The following SPRY3 variants were observed in gnomAD, a reference collection of about 807,000 sequenced individuals.
SPRY3 encodes the protein sprouty RTK signaling antagonist 3.
SPRY3 carries 15 observed loss-of-function variants against 20.2 expected under a neutral mutation model. The ratio of observed to expected loss-of-function variants is 0.74; its 90% CI spans 0.50 to 1.14. The LOEUF is 1.14. Among genes scored for constraint, SPRY3 ranks in the 50% most tolerant of loss-of-function variants. The probability of loss-of-function intolerance (pLI) is 0.00; values close to 1 mark genes in which losing one functional copy is unlikely to be tolerated. For missense variants in SPRY3, 364 were observed against 363.9 expected (o/e 1.00, Z 0.00); for synonymous variants, 143 against 136.5 (o/e 1.05, Z -0.33).
intron 1 of SPRY3, among the ~76,000 whole-genome samples, chrX:155,644,758 G>A (rs2067952344): frequency 9.1e-6 from 1 of 109,891 alleles, no homozygotes; most frequent in Non-Finnish European, 1.9e-5. Flanking sequence ...TCTGGCCCAG[G>A]GCAGGTCCAG....
intron 1 of SPRY3, among the ~76,000 whole-genome samples, chrX:155,619,663 C>A (rs1300720294): frequency 9.0e-6 from 1 of 111,119 alleles, no homozygotes; most frequent in African/African-American, 3.3e-5. Flanking sequence ...GAAAAAAAAT[C>A]ATTAACCATA....
At chrX:155,717,803 C>G (rs1264858575) in intron 2 of SPRY3, among the ~76,000 whole-genome samples, 1 of 152,050 alleles carries the variant, frequency 6.6e-6, no homozygotes, top group Non-Finnish European at 1.5e-5. Flanking sequence ...TCCAGTCTAT[C>G]ATTGATGGGC....
chrX:155,638,607 T>C (rs1459753087), intron 1 of SPRY3, among the ~76,000 whole-genome samples: 2 of 108,914 alleles, frequency 1.8e-5, no homozygotes, highest in Non-Finnish European at 3.8e-5. Context: ...GATTTGGCCA[T>C]GTGCATTTCT....
chrX:155,773,531 A>G (rs1381235705), intron 3 of SPRY3, among the ~76,000 whole-genome samples: 2 of 152,046 alleles, frequency 1.3e-5, no homozygotes, highest in African/African-American at 2.4e-5. Context: ...GATGGAATAC[A>G]AAAAGAATCA....
At chrX:155,709,721 C>A (rs2090973653) in intron 2 of SPRY3, among the ~76,000 whole-genome samples, 1 of 151,558 alleles carries the variant, frequency 6.6e-6, no homozygotes, top group African/African-American at 2.4e-5. Flanking sequence ...CAAGGTAATT[C>A]TCAAGAAATT....
intron 2 of SPRY3, among the ~76,000 whole-genome samples, chrX:155,717,727 G>T (rs2091032350): frequency 6.6e-6 from 1 of 152,044 alleles, no homozygotes; most frequent in African/African-American, 2.4e-5. Context: ...CCCTGGAAAG[G>T]ATATGAACTC....
intron 2 of SPRY3, among the ~76,000 whole-genome samples, chrX:155,710,622 C>T (rs2090979896): frequency 6.6e-6 from 1 of 151,742 alleles, no homozygotes; most frequent in Admixed American, 6.6e-5. Flanking sequence ...GATAATTTAA[C>T]TTCTTCCTTT....
chrX:155,716,981 A>AATATATATATATATATATATATAT (rs749530944), intron 2 of SPRY3, among the ~76,000 whole-genome samples: 159 of 63,336 alleles, frequency 2.5e-3, no homozygotes, highest in East Asian at 2.9e-3. Context: ...TAAAATACAA[A>AATATATATATATATATATATATAT]ATATATATAT....
At chrX:155,774,058 C>T (rs766566649) in exon 4 of SPRY3, 5 of 1,613,960 alleles carry the variant, frequency 3.1e-6, no homozygotes, top group Admixed American at 1.7e-5. Context: ...TACTTCTCTC[C>T]CCCGCAGTCT....
chrX:155,618,796 G>T (rs1389125293), intron 1 of SPRY3, among the ~76,000 whole-genome samples: 6 of 111,517 alleles, frequency 5.4e-5, no homozygotes, highest in African/African-American at 2.0e-4. Flanking sequence ...GATGATGAAT[G>T]ATATTGAACA....
chrX:155,622,393 G>C (rs1297906196), intron 1 of SPRY3, among the ~76,000 whole-genome samples: 1 of 111,683 alleles, frequency 9.0e-6, no homozygotes, highest in Non-Finnish European at 1.9e-5. Context: ...GTCTTAATTA[G>C]AGTTTGAGCT....
chrX:155,753,941 T>G (rs2091274075), intron 2 of SPRY3, among the ~76,000 whole-genome samples: 1 of 152,100 alleles, frequency 6.6e-6, no homozygotes, highest in Admixed American at 6.6e-5. Flanking sequence ...ATTTGTTTCT[T>G]TGTTTTAGTT....
intron 1 of SPRY3, among the ~76,000 whole-genome samples, chrX:155,621,672 A>G (rs1557349444): frequency 8.9e-6 from 1 of 111,852 alleles, no homozygotes; most frequent in East Asian, 2.8e-4. Context: ...TCAGGGTGAT[A>G]TCAGCAAAGG....
intron 2 of SPRY3, among the ~76,000 whole-genome samples, chrX:155,721,294 C>T (rs1435902410): frequency 2.6e-5 from 4 of 152,012 alleles, no homozygotes; most frequent in African/African-American, 9.7e-5. Context: ...AGCATACTTA[C>T]AGGATCTAGA....
chrX:155,665,811 AT>A (rs1435824342), intron 2 of SPRY3, among the ~76,000 whole-genome samples: 15 of 111,654 alleles, frequency 1.3e-4, no homozygotes, highest in Non-Finnish European at 3.8e-5. Flanking sequence ...GTAATGTTTT[AT>A]TTTTTTAAGT....
intron 2 of SPRY3, among the ~76,000 whole-genome samples, chrX:155,719,135 G>A (rs1397636544): frequency 6.6e-6 from 1 of 152,112 alleles, no homozygotes; most frequent in Non-Finnish European, 1.5e-5. Flanking sequence ...GCAGCATGCT[G>A]CAGAGAGCAT....
At chrX:155,659,104 C>CTCCTTTCTTTCT (rs2068001117) in intron 2 of SPRY3, among the ~76,000 whole-genome samples, 1 of 83,926 alleles carries the variant, frequency 1.2e-5, no homozygotes, top group South Asian at 6.8e-4. Context: ...TTTTTTCTTT[C>CTCCTTTCTTTCT]TTCTTTCTTT....
At chrX:155,722,274 G>A (rs1223803660) in intron 2 of SPRY3, among the ~76,000 whole-genome samples, 1 of 152,136 alleles carries the variant, frequency 6.6e-6, no homozygotes, top group Non-Finnish European at 1.5e-5. Context: ...TGTAATCTCA[G>A]CACTTTGGGA....
chrX:155,703,848 A>T (rs1272996051), intron 2 of SPRY3, among the ~76,000 whole-genome samples: 2 of 151,924 alleles, frequency 1.3e-5, no homozygotes, highest in African/African-American at 4.8e-5. Flanking sequence ...CCTTAATCTC[A>T]TAATTGAACA....
Sources: allele counts gnomAD v4.1 joint callset (sites outside exome capture counted in the v4.1 genomes callset), GRCh38; gene constraint gnomAD v4.1.1; transcripts MANE v1.5; gene names NCBI Gene and HGNC (gene_info 2026-07-23, HGNC 2026-07-21).